GPRIN2: variants seen among roughly 807,000 people sequenced by gnomAD.
GPRIN2 encodes the protein G protein regulated inducer of neurite outgrowth 2, also known as G protein-regulated inducer of neurite outgrowth 2.
Under a neutral mutation model 0.3 loss-of-function variants are expected in GPRIN2, and 1 was observed. That is an observed-to-expected ratio of 3.90 (90% CI 1.39 to 18.51). The LOEUF (loss-of-function observed/expected upper bound fraction) is 18.51. Among genes scored for constraint, GPRIN2 ranks in the 30% most tolerant of loss-of-function variants. GPRIN2 has a pLI of 0.11. For synonymous variants in GPRIN2, 361 were observed against 258.6 expected (o/e 1.40, Z -3.80); for missense variants, 880 against 604.2 (o/e 1.46, Z -4.79).
At chr10:46,557,222 C>G (rs1843348212), upstream of GPRIN2, among the ~76,000 whole-genome samples, 1 of 152,312 alleles carries the variant, frequency 6.6e-6, no homozygotes. Context: ...CCACTAGCCT[C>G]GGACTTTCCA....
Sources: gnomAD v4.1 joint callset for allele counts (sites outside exome capture counted in the v4.1 genomes callset) on GRCh38, gnomAD v4.1.1 for gene constraint, MANE v1.5 for transcripts, NCBI Gene and HGNC (gene_info 2026-07-23, HGNC 2026-07-21) for gene names.